Variants in XAF1 observed in about 807,000 individuals in gnomAD.
XAF1 encodes XIAP-associated factor 1.
XAF1 carries 32 observed loss-of-function variants against 32.3 expected under a neutral mutation model. The observed-to-expected ratio is 0.99, with a 90% CI of 0.75 to 1.33. The LOEUF (loss-of-function observed/expected upper bound fraction) is 1.33, where lower values mean the gene tolerates loss of function less well. Ranked by LOEUF, XAF1 falls within the 40% of genes most tolerant of loss-of-function variation. The probability of loss-of-function intolerance (pLI) is 0.00; values close to 1 mark genes in which losing one functional copy is unlikely to be tolerated. For missense variants in XAF1, 379 were observed against 366.0 expected (o/e 1.04, Z -0.29); for synonymous variants, 120 against 125.9 (o/e 0.95, Z 0.31).
At chr17:6,757,144 G>T (rs1194096320) in intron 1 of XAF1, among the ~76,000 whole-genome samples, 1 of 152,094 alleles carries the variant, frequency 6.6e-6, no homozygotes, top group East Asian at 1.9e-4. Context: ...TGGGATTACA[G>T]GCGTGCACCG....
At chr17:6,757,370 C>G (rs1186436148) in intron 1 of XAF1, 2 of 152,208 alleles carry the variant, frequency 1.3e-5, no homozygotes, top group African/African-American at 2.4e-5. Flanking sequence ...GTGGGAGGCT[C>G]AGAACCCTTC....
chr17:6,764,838 C>T (rs1056378765), intron 5 of XAF1, among the ~76,000 whole-genome samples: 1 of 152,198 alleles, frequency 6.6e-6, no homozygotes, highest in Non-Finnish European at 1.5e-5. Context: ...ACCAAATCTG[C>T]TCTTGTCAAA....
Position 6,762,138 on chromosome 17 carries a change from T to C in XAF1, c.422-17T>C. 1 of 1,612,530 alleles carries C rather than the reference T, an allele frequency of 6.2e-7. No individual in the cohort carries two copies. The highest frequency in any genetic ancestry group is 8.5e-7 in the Non-Finnish European group (1 of 1,179,018). ...ACAAGGACAATCATTTGTGGTGTTG[T>C]TTCTCTGCTTATTCAGGGGAAAGAA... On this transcript the variant is annotated splice_polypyrimidine_tract_variant and intron_variant, in intron 4 of 6. Coordinates refer to ENST00000361842, the MANE Select transcript of XAF1 (RefSeq NM_017523.5).
intron 5 of XAF1, among the ~76,000 whole-genome samples, chr17:6,768,851 T>C (rs1975811338): frequency 6.6e-6 from 1 of 152,168 alleles, no homozygotes; most frequent in African/African-American, 2.4e-5. Flanking sequence ...TCAAATGTGT[T>C]TGCTTTTCTC....
chr17:6,774,241 T>A lies in XAF1; in HGVS notation c.*1072T>A, dbSNP rs534451081. 40 of 152,228 alleles carry A rather than the reference T, an allele frequency of 2.6e-4. No homozygotes were observed. The East Asian group carries it at 7.5e-3, about 29-fold the overall frequency. 9.4% of individuals were successfully genotyped at this position (152,228 alleles called of 1,614,324 possible). ...AGACACATAGATCAATGGAACAGAA[T>A]AGAGGGCCCAGAAATAAAGCTACAC... On this transcript the variant is annotated 3_prime_UTR_variant, in exon 7 of 7. Coordinates refer to ENST00000361842, the MANE Select transcript of XAF1 (RefSeq NM_017523.5).
At chr17:6,755,770 C>T (rs1974608967), upstream of XAF1, 4 of 1,173,166 alleles carry the variant, frequency 3.4e-6, no homozygotes, top group Non-Finnish European at 3.2e-6. Flanking sequence ...GCCAGCCAGC[C>T]AGGGTGAGGG....
At chr17:6,757,146 C>T (rs372342075) in intron 1 of XAF1, among the ~76,000 whole-genome samples, 17 of 152,186 alleles carry the variant, frequency 1.1e-4, no homozygotes, top group East Asian at 1.9e-4. Context: ...GGATTACAGG[C>T]GTGCACCGCC....
chr17:6,768,296 G>A (rs1445621960), intron 5 of XAF1, among the ~76,000 whole-genome samples: 1 of 151,974 alleles, frequency 6.6e-6, no homozygotes, highest in Non-Finnish European at 1.5e-5. Context: ...GCTAATTTTT[G>A]TATTTTTAGT....
At chr17:6,770,522 A>G (rs1975939217) in intron 5 of XAF1, 121 bp from the exon 6 acceptor site, 5 of 824,020 alleles carry the variant, frequency 6.1e-6, no homozygotes, top group South Asian at 2.4e-5. Context: ...TGTCTGTCAC[A>G]TTTTATACAC....
In XAF1 at chr17:6,762,254, A is replaced by G; in HGVS notation, c.507+14A>G. 6.3e-7 allele frequency: 1 copy of G among 1,589,082 alleles called. No individual in the cohort carries two copies. The highest frequency in any genetic ancestry group is 2.2e-5 in the East Asian group (1 of 44,646). On this transcript the variant is annotated intron_variant, in intron 5 of 6. Coordinates refer to ENST00000361842, the MANE Select transcript of XAF1 (RefSeq NM_017523.5). The stretch of plus-strand genomic sequence containing the variant: ...TTCCACCATATGGTGAGTAGCACTT[A>G]GTAATTTTCTAATGGTGCCAATAGT...
chr17:6,768,173 G>C (rs1361958038), intron 5 of XAF1, among the ~76,000 whole-genome samples: 1 of 149,226 alleles, frequency 6.7e-6, no homozygotes, highest in Non-Finnish European at 1.5e-5. Context: ...GCCTGGGCTT[G>C]AGTGCAGTGG....
chr17:6,773,045 A>G lies in XAF1; in HGVS notation c.850-68A>G, dbSNP rs1297436668. The G allele has an allele frequency of 3.0e-6, 4 of 1,328,270 alleles. No homozygotes were observed. The East Asian group carries it at 9.5e-5, about 31-fold the overall frequency. The allele number at this position is 1,328,270 out of a possible 1,614,324, so 82.3% of individuals were successfully genotyped here. On this transcript the variant is annotated intron_variant, in intron 6 of 6. Coordinates refer to ENST00000361842, the MANE Select transcript of XAF1 (RefSeq NM_017523.5). Reference sequence around the variant, plus strand: ...TCTGTAACAAGGGACAGCAATATCCAGAGATATTCTAGGAGCTAGCACTTC... The same window carrying G: ...TCTGTAACAAGGGACAGCAATATCCGGAGATATTCTAGGAGCTAGCACTTC...
chr17:6,760,691 A>G, intron 4 of XAF1, 90 bp downstream of exon 4: 3 of 1,287,032 alleles, frequency 2.3e-6, no homozygotes, highest in South Asian at 2.9e-5. Context: ...TCTCAACAGG[A>G]CGGATGACAA....
chr17:6,772,887 C>G (rs1176689506), intron 6 of XAF1: 1 of 455,418 alleles, frequency 2.2e-6, no homozygotes, highest in African/African-American at 2.1e-5. Context: ...GAGTGTTCTC[C>G]CATCTGTCCC....
At chr17:6,756,545 GA>G (rs1974679979) in intron 1 of XAF1, among the ~76,000 whole-genome samples, 2 of 150,574 alleles carry the variant, frequency 1.3e-5, no homozygotes, top group Non-Finnish European at 3.0e-5. Context: ...GGGCAGGGGG[GA>G]CAGAGCAGGG....
intron 1 of XAF1, among the ~76,000 whole-genome samples, chr17:6,757,164 G>A (rs1299945822): frequency 1.3e-5 from 2 of 152,068 alleles, no homozygotes; most frequent in Non-Finnish European, 2.9e-5. Context: ...GCCATGCCCG[G>A]CTAATTTTGT....
At chr17:6,755,580 G>A (rs1328523458), upstream of XAF1, 34 of 1,005,342 alleles carry the variant, frequency 3.4e-5, no homozygotes, top group Middle Eastern at 5.1e-4. Flanking sequence ...CTCCCTGGAC[G>A]CTGTTTGCAA....
intron 1 of XAF1, among the ~76,000 whole-genome samples, 171 bp from the exon 2 acceptor site, chr17:6,757,918 C>T (rs1381439610): frequency 6.6e-6 from 1 of 152,196 alleles, no homozygotes; most frequent in Non-Finnish European, 1.5e-5. Flanking sequence ...TGCTGCCTCA[C>T]TGTTCTGACT....
intron 5 of XAF1, among the ~76,000 whole-genome samples, chr17:6,764,037 T>C (rs1434428561): frequency 1.3e-5 from 2 of 152,200 alleles, no homozygotes; most frequent in Non-Finnish European, 1.5e-5. Context: ...TACACACTTA[T>C]TTGAAGGCTA....
Sources: gnomAD v4.1 joint callset for allele counts (sites outside exome capture counted in the v4.1 genomes callset) on GRCh38, gnomAD v4.1.1 for gene constraint, MANE v1.5 for transcripts, NCBI Gene and HGNC (gene_info 2026-07-23, HGNC 2026-07-21) for gene names.